The following SUPT3H variants were observed in gnomAD, a reference collection of about 807,000 sequenced individuals.
The protein encoded by SUPT3H is transcription initiation protein SPT3 homolog.
In SUPT3H, 44 loss-of-function variants were observed where a neutral mutation model predicts 44.3. The observed-to-expected ratio is 0.99, with a 90% CI of 0.78 to 1.28. The LOEUF is 1.28. Among genes scored for constraint, SUPT3H ranks in the 50% most tolerant of loss-of-function variants. The pLI is 0.00. For synonymous variants in SUPT3H, 124 were observed against 125.6 expected, an observed-to-expected ratio of 0.99 and a Z score of 0.09; for missense variants, 380 against 387.1, an observed-to-expected ratio of 0.98 and a Z score of 0.15.
At chr6:45,090,300 A>T (rs1200968037) in intron 3 of SUPT3H, among the ~76,000 whole-genome samples, 1 of 152,102 alleles carries the variant, frequency 6.6e-6, no homozygotes, top group Non-Finnish European at 1.5e-5. Flanking sequence ...TTTATTAATT[A>T]CCATTCTCTC....
intron 10 of SUPT3H, among the ~76,000 whole-genome samples, chr6:44,849,850 G>A (rs1772583775): frequency 6.6e-6 from 1 of 152,206 alleles, no homozygotes; most frequent in South Asian, 2.1e-4. Flanking sequence ...GAGTACAACT[G>A]TAGAGGCAAT....
At chr6:45,056,608 C>T (rs1791169325) in intron 3 of SUPT3H, among the ~76,000 whole-genome samples, 1 of 152,136 alleles carries the variant, frequency 6.6e-6, no homozygotes, top group African/African-American at 2.4e-5. Context: ...GAATGAAAAA[C>T]CAAACATTGT....
chr6:45,183,896 A>G (rs1296306791), intron 2 of SUPT3H, among the ~76,000 whole-genome samples: 1 of 152,182 alleles, frequency 6.6e-6, no homozygotes, highest in Non-Finnish European at 1.5e-5. Flanking sequence ...TGGCAAAAAG[A>G]TCATTGGTTA....
chr6:44,826,123 C>G (rs537812852), downstream of SUPT3H, among the ~76,000 whole-genome samples: 3 of 152,150 alleles, frequency 2.0e-5, no homozygotes, highest in Non-Finnish European at 4.4e-5. Context: ...TTAAGAGATA[C>G]GACTTTCTAA....
Position 45,158,299 on chromosome 6 carries a change from T to TATATATATA in SUPT3H, c.102-52294_102-52293insTATATATAT, listed in dbSNP as rs1491302388. The stretch of plus-strand genomic sequence containing the variant: ...ACATATATATATATATATATATATA[T>TATATATATA]TTTTTTTTTTTTTTTTTTGAGATGG... On this transcript the variant is annotated intron_variant, in intron 2 of 10. Coordinates refer to ENST00000371459, the MANE Select transcript of SUPT3H (RefSeq NM_003599.4). Among the ~76,000 whole-genome samples, 57 of 13,394 alleles carry TATATATATA rather than the reference T, an allele frequency of 4.3e-3. 4 individuals carry two copies. The highest frequency in any genetic ancestry group is 0.013 in the African/African-American group (55 of 4,172). The allele number at this position is 13,394 out of a possible 152,430, so 8.8% of individuals were successfully genotyped here. A position where few individuals can be genotyped will look rare whatever the true frequency, so the allele number is the denominator to read the frequency against.
intron 2 of SUPT3H, among the ~76,000 whole-genome samples, chr6:45,212,475 T>C (rs1190584006): frequency 8.0e-6 from 1 of 125,536 alleles, no homozygotes; most frequent in Non-Finnish European, 1.7e-5. Context: ...TCCCTCCACC[T>C]CCACTATGTG....
chr6:45,051,121 C>T (rs1324579438), intron 3 of SUPT3H, among the ~76,000 whole-genome samples: 4 of 152,076 alleles, frequency 2.6e-5, no homozygotes, highest in Non-Finnish European at 5.9e-5. Flanking sequence ...GAACTCCTGA[C>T]CTCGTGATCC....
chr6:45,282,833 G>C (rs1040678896), intron 2 of SUPT3H, among the ~76,000 whole-genome samples: 2 of 152,226 alleles, frequency 1.3e-5, no homozygotes, highest in African/African-American at 4.8e-5. Flanking sequence ...GGCAGCCAGA[G>C]AGAAAGGTCA....
At chr6:45,236,418 T>G (rs897382553) in intron 2 of SUPT3H, among the ~76,000 whole-genome samples, 3 of 152,120 alleles carry the variant, frequency 2.0e-5, no homozygotes, top group Admixed American at 2.0e-4. Flanking sequence ...TAGTTCCATC[T>G]TGGAACCTTT....
chr6:45,048,341 A>G (rs1789754038), intron 3 of SUPT3H, among the ~76,000 whole-genome samples: 1 of 150,712 alleles, frequency 6.6e-6, no homozygotes, highest in Non-Finnish European at 1.5e-5. Context: ...CATTGCCCAG[A>G]TCAATGTCAT....
intron 7 of SUPT3H, among the ~76,000 whole-genome samples, chr6:44,960,864 G>T (rs1285464680): frequency 4.0e-5 from 6 of 151,750 alleles, no homozygotes; most frequent in Non-Finnish European, 7.4e-5. Flanking sequence ...CATTTACATG[G>T]GATACTATGC....
At chr6:44,844,836 T>C (rs1771598212) in intron 10 of SUPT3H, among the ~76,000 whole-genome samples, 1 of 152,204 alleles carries the variant, frequency 6.6e-6, no homozygotes, top group African/African-American at 2.4e-5. Flanking sequence ...TTTATGGCTA[T>C]ATACATTTGT....
intron 3 of SUPT3H, among the ~76,000 whole-genome samples, chr6:45,048,522 G>C (rs1435317463): frequency 6.6e-6 from 1 of 152,026 alleles, no homozygotes; most frequent in Non-Finnish European, 1.5e-5. Flanking sequence ...ACTACCATAT[G>C]ATCCATCAAT....
At chr6:45,134,519 C>T (rs1453444550) in intron 2 of SUPT3H, among the ~76,000 whole-genome samples, 1 of 152,164 alleles carries the variant, frequency 6.6e-6, no homozygotes. Context: ...TCCAAAGCCT[C>T]ATCTCAGTCA....
intron 2 of SUPT3H, among the ~76,000 whole-genome samples, chr6:45,301,804 T>C (rs1454453751): frequency 1.3e-5 from 2 of 152,210 alleles, no homozygotes; most frequent in Non-Finnish European, 2.9e-5. Flanking sequence ...TGTTTTAATA[T>C]AACTAGAAAA....
chr6:44,853,827 A>G (rs1470323066), intron 10 of SUPT3H, among the ~76,000 whole-genome samples: 1 of 152,106 alleles, frequency 6.6e-6, no homozygotes, highest in Non-Finnish European at 1.5e-5. Flanking sequence ...GGTAAGAGTG[A>G]TAAGAACTAC....
intron 10 of SUPT3H, among the ~76,000 whole-genome samples, chr6:44,914,703 G>GT (rs1328787330): frequency 1.3e-5 from 2 of 152,204 alleles, no homozygotes; most frequent in Non-Finnish European, 2.9e-5. Context: ...TCAGGTGGCT[G>GT]TTGTCTCTTC....
In SUPT3H at chr6:45,178,867, C is replaced by T. The variant is rs547978246; in HGVS notation, c.102-72861G>A. Among the ~76,000 whole-genome samples the T allele has an allele frequency of 2.7e-4, 41 of 151,724 alleles. No homozygotes were observed. In the East Asian group the frequency reaches 3.3e-3, roughly 12 times the overall value. On this transcript the variant is annotated intron_variant, in intron 2 of 10. Transcript: ENST00000371459. ...AAATAAAGATGCTCTTTGAAACCAA[C>T]GAGAACAAAGACACAACATACCAGA...
intron 2 of SUPT3H, among the ~76,000 whole-genome samples, chr6:45,288,521 AAG>A (rs1387166413): frequency 2.1e-5 from 3 of 141,646 alleles, no homozygotes; most frequent in African/African-American, 5.1e-5. Flanking sequence ...TACACACAAT[AAG>A]AGATACAATG....
Sources: gnomAD v4.1 joint callset for allele counts (sites outside exome capture counted in the v4.1 genomes callset) on GRCh38, gnomAD v4.1.1 for gene constraint, MANE v1.5 for transcripts, NCBI Gene and HGNC (gene_info 2026-07-23, HGNC 2026-07-21) for gene names.